Variants in CCDC178 observed in about 807,000 individuals in gnomAD.
The protein encoded by CCDC178 is coiled-coil domain containing 178.
Under a neutral mutation model 117.4 loss-of-function variants are expected in CCDC178, and 126 were observed. That is an observed-to-expected ratio of 1.07 (90% CI 0.93 to 1.24). CCDC178 has a LOEUF of 1.24. Ranked by LOEUF, CCDC178 falls within the 50% of genes most tolerant of loss-of-function variation. The probability of loss-of-function intolerance (pLI) is 0.00; values close to 1 mark genes in which losing one functional copy is unlikely to be tolerated. For missense variants in CCDC178, 1,030 were observed against 986.9 expected (o/e 1.04, Z -0.59); for synonymous variants, 283 against 313.4 (o/e 0.90, Z 1.02).
intron 20 of CCDC178, among the ~76,000 whole-genome samples, chr18:33,103,490 A>G (rs1340612221): frequency 6.6e-6 from 1 of 151,626 alleles, no homozygotes; most frequent in Non-Finnish European, 1.5e-5. Context: ...ATAAAAAAAC[A>G]TGGTTAGAAA....
chr18:33,421,583 GT>G (rs2064025384), intron 2 of CCDC178, among the ~76,000 whole-genome samples: 1 of 152,152 alleles, frequency 6.6e-6, no homozygotes, highest in African/African-American at 2.4e-5. Context: ...AGAGCTAGTT[GT>G]TAAACATTTA....
intron 22 of CCDC178, among the ~76,000 whole-genome samples, chr18:32,962,004 T>TG (rs1360591676): frequency 6.6e-6 from 1 of 151,664 alleles, no homozygotes; most frequent in Non-Finnish European, 1.5e-5. Flanking sequence ...ACTGTCTTTT[T>TG]TTTTAGGGTT....
chr18:33,413,016 A>G (rs767039141), intron 2 of CCDC178, among the ~76,000 whole-genome samples: 1 of 152,172 alleles, frequency 6.6e-6, no homozygotes, highest in Non-Finnish European at 1.5e-5. Context: ...TCTGTTCCCT[A>G]TAATTCCTGC....
At chr18:33,405,332 G>A (rs567939268) in intron 3 of CCDC178, among the ~76,000 whole-genome samples, 2 of 151,422 alleles carry the variant, frequency 1.3e-5, no homozygotes, top group Non-Finnish European at 3.0e-5. Context: ...AAAAGATAAT[G>A]TATATGAAAG....
At chr18:33,279,141 A>G (rs890367058) in intron 12 of CCDC178, among the ~76,000 whole-genome samples, 13 of 152,144 alleles carry the variant, frequency 8.5e-5, no homozygotes, top group Admixed American at 6.5e-5. Context: ...AGGGTATTCA[A>G]TTAGGAAAAG....
At chr18:33,419,256 G>C (rs955451070) in intron 2 of CCDC178, among the ~76,000 whole-genome samples, 4 of 151,438 alleles carry the variant, frequency 2.6e-5, no homozygotes, top group Non-Finnish European at 5.9e-5. Context: ...ATTGAAACTG[G>C]ACCCCGTCCC....
intron 21 of CCDC178, among the ~76,000 whole-genome samples, chr18:33,051,852 T>C (rs1263187275): frequency 6.6e-6 from 1 of 152,242 alleles, no homozygotes; most frequent in Non-Finnish European, 1.5e-5. Flanking sequence ...TTAATCAAAT[T>C]AGTATGCAAC....
intron 21 of CCDC178, among the ~76,000 whole-genome samples, chr18:33,043,575 T>C (rs944906602): frequency 1.3e-5 from 2 of 152,074 alleles, no homozygotes; most frequent in African/African-American, 4.8e-5. Context: ...ATAACATAAT[T>C]GTCTCCTGTT....
At chr18:33,374,213 A>T (rs1211228606) in intron 5 of CCDC178, among the ~76,000 whole-genome samples, 1 of 152,188 alleles carries the variant, frequency 6.6e-6, no homozygotes, top group Admixed American at 6.6e-5. Context: ...GAGCCTCAGA[A>T]ACCCACGTGG....
intron 12 of CCDC178, among the ~76,000 whole-genome samples, chr18:33,292,256 T>C (rs1310332248): frequency 6.6e-6 from 1 of 152,176 alleles, no homozygotes; most frequent in Non-Finnish European, 1.5e-5. Flanking sequence ...AAGGAATGAA[T>C]TCCTGTTATT....
At chr18:33,186,947 A>T (rs539362959) in intron 20 of CCDC178, among the ~76,000 whole-genome samples, 23 of 152,146 alleles carry the variant, frequency 1.5e-4, no homozygotes, top group Admixed American at 1.5e-3. Flanking sequence ...CCGTTTTCAC[A>T]CTGCTATAAA....
chr18:33,375,042 G>A (rs1166290113), intron 5 of CCDC178, among the ~76,000 whole-genome samples: 1 of 152,130 alleles, frequency 6.6e-6, no homozygotes, highest in Non-Finnish European at 1.5e-5. Flanking sequence ...TGGTTAAATG[G>A]ATGTGTGTGT....
At chr18:33,164,177 G>C (rs2058500229) in intron 20 of CCDC178, among the ~76,000 whole-genome samples, 2 of 143,286 alleles carry the variant, frequency 1.4e-5, no homozygotes, top group Non-Finnish European at 3.0e-5. Context: ...GTGAGATCTC[G>C]GCTCACCACA....
intron 20 of CCDC178, among the ~76,000 whole-genome samples, chr18:33,171,037 G>A (rs2058593214): frequency 6.6e-6 from 1 of 152,178 alleles, no homozygotes; most frequent in Non-Finnish European, 1.5e-5. Flanking sequence ...TGCATATAGA[G>A]AATCTGTTTT....
chr18:33,054,287 T>A (rs2056791930), intron 21 of CCDC178, among the ~76,000 whole-genome samples: 1 of 152,214 alleles, frequency 6.6e-6, no homozygotes, highest in South Asian at 2.1e-4. Flanking sequence ...TATTCTAAGT[T>A]CAGGGGTGTA....
chr18:33,247,764 T>C (rs2059568466), intron 14 of CCDC178, among the ~76,000 whole-genome samples: 1 of 151,882 alleles, frequency 6.6e-6, no homozygotes, highest in Admixed American at 6.6e-5. Context: ...TGTGTATATA[T>C]GTTGTGCATG....
At chr18:32,973,464 A>C (rs1002010913) in intron 22 of CCDC178, among the ~76,000 whole-genome samples, 6 of 152,070 alleles carry the variant, frequency 3.9e-5, no homozygotes, top group African/African-American at 1.4e-4. Context: ...ATAAATTTCT[A>C]CTAAATCTAC....
intron 15 of CCDC178, among the ~76,000 whole-genome samples, chr18:33,229,162 C>T (rs1310045520): frequency 6.6e-6 from 1 of 152,160 alleles, no homozygotes; most frequent in Non-Finnish European, 1.5e-5. Flanking sequence ...GAAACATAGG[C>T]TGAGCTGCCA....
chr18:33,107,531 T>C (rs929869965), intron 20 of CCDC178, among the ~76,000 whole-genome samples: 3 of 151,598 alleles, frequency 2.0e-5, no homozygotes, highest in Admixed American at 6.6e-5. Flanking sequence ...ACTCTGAAAA[T>C]CACAATAATA....
Sources: allele counts gnomAD v4.1 joint callset (sites outside exome capture counted in the v4.1 genomes callset), GRCh38; gene constraint gnomAD v4.1.1; transcripts MANE v1.5; gene names NCBI Gene and HGNC (gene_info 2026-07-23, HGNC 2026-07-21).